RBFOX1: variants seen among roughly 807,000 people sequenced by gnomAD.
The protein encoded by RBFOX1 is RNA binding fox-1 homolog 1.
Under a neutral mutation model 57.7 loss-of-function variants are expected in RBFOX1, and 8 were observed. The observed-to-expected ratio is 0.14, with a 90% confidence interval of 0.08 to 0.25. RBFOX1 has a LOEUF of 0.25. Ranked by LOEUF, RBFOX1 falls within the 10% of genes least tolerant of loss-of-function variation. The probability of loss-of-function intolerance (pLI) is 1.00; values close to 1 mark genes in which losing one functional copy is unlikely to be tolerated. For synonymous variants in RBFOX1, 326 were observed against 222.4 expected, an observed-to-expected ratio of 1.47 and a Z score of -4.15; for missense variants, 611 against 548.5, an observed-to-expected ratio of 1.11 and a Z score of -1.14.
At chr16:5,744,289 C>A (rs916450760) in intron 3 of RBFOX1, among the ~76,000 whole-genome samples, 1 of 152,158 alleles carries the variant, frequency 6.6e-6, no homozygotes, top group African/African-American at 2.4e-5. Flanking sequence ...TGGGTTCCCG[C>A]AGCACCTTGA....
At chr16:6,339,913 A>G (rs1244910515) in intron 2 of RBFOX1, among the ~76,000 whole-genome samples, 1 of 151,972 alleles carries the variant, frequency 6.6e-6, no homozygotes, top group African/African-American at 2.4e-5. Context: ...TCCAGACCTC[A>G]TGATCCACCC....
intron 3 of RBFOX1, among the ~76,000 whole-genome samples, chr16:7,039,958 G>C (rs2045645163): frequency 6.6e-6 from 1 of 151,938 alleles, no homozygotes; most frequent in African/African-American, 2.4e-5. Context: ...TGTTTTTCAA[G>C]ATAGCCACCC....
chr16:6,497,430 G>C (rs555481969), intron 2 of RBFOX1, among the ~76,000 whole-genome samples: 4 of 152,248 alleles, frequency 2.6e-5, no homozygotes, highest in African/African-American at 9.6e-5. Flanking sequence ...CACTTCTCAA[G>C]GCCCAGAGAG....
intron 11 of RBFOX1, among the ~76,000 whole-genome samples, chr16:7,643,744 A>G (rs559175935): frequency 6.6e-6 from 1 of 152,232 alleles, no homozygotes; most frequent in Non-Finnish European, 1.5e-5. Context: ...AACTCTTACC[A>G]GGAACATAAA....
chr16:5,427,279 T>G (rs1336919481), intron 1 of RBFOX1, among the ~76,000 whole-genome samples: 2 of 152,182 alleles, frequency 1.3e-5, no homozygotes, highest in Admixed American at 1.3e-4. Flanking sequence ...TTAAGGAGAA[T>G]AGCAAGTCTA....
chr16:7,553,391 A>T (rs1437066658), intron 5 of RBFOX1, among the ~76,000 whole-genome samples: 2 of 152,054 alleles, frequency 1.3e-5, no homozygotes, highest in Non-Finnish European at 2.9e-5. Context: ...GTGATCCTCT[A>T]GCATTGGTCT....
chr16:5,862,676 T>G (rs535277400), intron 3 of RBFOX1, among the ~76,000 whole-genome samples: 1 of 152,298 alleles, frequency 6.6e-6, no homozygotes, highest in African/African-American at 2.4e-5. Flanking sequence ...TTGATCCTTA[T>G]CTGGATCCAT....
intron 4 of RBFOX1, among the ~76,000 whole-genome samples, chr16:7,135,738 C>T (rs571229943): frequency 6.6e-6 from 1 of 152,322 alleles, no homozygotes; most frequent in South Asian, 2.1e-4. Flanking sequence ...CCCTGTCTTC[C>T]TCCTAATATG....
chr16:6,982,520 C>G (rs746510004), intron 3 of RBFOX1, among the ~76,000 whole-genome samples: 9 of 152,126 alleles, frequency 5.9e-5, no homozygotes, highest in Non-Finnish European at 7.4e-5. Flanking sequence ...CTCAGACGGC[C>G]TCGCCCTCTG....
chr16:6,808,501 A>G (rs909150483), intron 3 of RBFOX1, among the ~76,000 whole-genome samples: 1 of 152,152 alleles, frequency 6.6e-6, no homozygotes, highest in African/African-American at 2.4e-5. Flanking sequence ...AAAATAAAAC[A>G]GCACCATTAC....
At chr16:5,319,055 A>G (rs1177406336) in intron 1 of RBFOX1, among the ~76,000 whole-genome samples, 2 of 152,208 alleles carry the variant, frequency 1.3e-5, no homozygotes, top group Non-Finnish European at 2.9e-5. Flanking sequence ...TGAACCTGGC[A>G]GGTGGAGGTT....
At chr16:5,618,347 T>TGC (rs1288453733) in intron 3 of RBFOX1, among the ~76,000 whole-genome samples, 1,521 of 151,986 alleles carry the variant, frequency 0.01, 23 homozygotes, top group African/African-American at 0.035. Flanking sequence ...TTTTTGTGTG[T>TGC]GTGTGTGTGT....
intron 3 of RBFOX1, among the ~76,000 whole-genome samples, chr16:6,834,957 A>G (rs1467977074): frequency 7.1e-6 from 1 of 141,522 alleles, no homozygotes; most frequent in Non-Finnish European, 1.5e-5. Context: ...CAGTGGCGCG[A>G]TCTTGGTTCA....
intron 5 of RBFOX1, among the ~76,000 whole-genome samples, chr16:7,577,309 C>A (rs2093416093): frequency 6.6e-6 from 1 of 152,084 alleles, no homozygotes; most frequent in Admixed American, 6.6e-5. Context: ...TGATCTAGCC[C>A]CTTGACTATC....
chr16:6,988,261 C>T (rs112779765), intron 3 of RBFOX1, among the ~76,000 whole-genome samples: 2,906 of 152,270 alleles, frequency 0.019, 46 homozygotes, highest in Non-Finnish European at 0.029. Flanking sequence ...AGGACTTTCT[C>T]CTCTCAGCAA....
intron 2 of RBFOX1, among the ~76,000 whole-genome samples, chr16:6,463,206 C>G (rs1475003807): frequency 6.6e-6 from 1 of 152,134 alleles, no homozygotes; most frequent in Non-Finnish European, 1.5e-5. Flanking sequence ...AGTATGAAAT[C>G]TAACATGCAT....
intron 4 of RBFOX1, among the ~76,000 whole-genome samples, chr16:5,983,710 G>C (rs933479114): frequency 6.6e-6 from 1 of 152,098 alleles, no homozygotes; most frequent in Non-Finnish European, 1.5e-5. Flanking sequence ...AGAGAGCATC[G>C]AGTTGGAATT....
intron 3 of RBFOX1, among the ~76,000 whole-genome samples, chr16:6,968,894 C>G (rs1019542474): frequency 3.3e-5 from 5 of 151,572 alleles, no homozygotes; most frequent in South Asian, 2.1e-4. Flanking sequence ...GGCTCTGTGT[C>G]AGGATTCACA....
At chr16:6,781,111 A>G (rs766055435) in intron 3 of RBFOX1, among the ~76,000 whole-genome samples, 5 of 152,020 alleles carry the variant, frequency 3.3e-5, no homozygotes, top group Non-Finnish European at 5.9e-5. Flanking sequence ...TTCTTGTAAT[A>G]GCTTCATTGG....
Sources: gnomAD v4.1 joint callset for allele counts (sites outside exome capture counted in the v4.1 genomes callset) on GRCh38, gnomAD v4.1.1 for gene constraint, MANE v1.5 for transcripts, NCBI Gene and HGNC (gene_info 2026-07-23, HGNC 2026-07-21) for gene names.